TBC1D10A: variants seen among roughly 807,000 people sequenced by gnomAD.
The protein encoded by TBC1D10A is TBC1 domain family member 10A.
TBC1D10A carries 24 observed loss-of-function variants against 52.9 expected under a neutral mutation model. That is an observed-to-expected ratio of 0.45 (90% CI 0.33 to 0.64). The LOEUF is 0.64. Ranked by LOEUF, TBC1D10A falls within the 30% of genes least tolerant of loss-of-function variation. The pLI, the probability that TBC1D10A is intolerant of heterozygous loss-of-function variation, is 0.02. For synonymous variants in TBC1D10A, 278 were observed against 282.9 expected, an observed-to-expected ratio of 0.98 and a Z score of 0.17; for missense variants, 602 against 687.9, an observed-to-expected ratio of 0.88 and a Z score of 1.40.
chr22:30,320,027 C>T (rs1930620369), intron 1 of TBC1D10A, among the ~76,000 whole-genome samples: 1 of 152,186 alleles, frequency 6.6e-6, no homozygotes, highest in Non-Finnish European at 1.5e-5. Flanking sequence ...GGATCCCTCT[C>T]CGGTCTGGCT....
chr22:30,300,129 C>G (rs191697808), intron 2 of TBC1D10A, among the ~76,000 whole-genome samples: 3 of 151,698 alleles, frequency 2.0e-5, no homozygotes, highest in African/African-American at 7.3e-5. Context: ...AATTCCAGAC[C>G]CTCATAACTA....
intron 1 of TBC1D10A, among the ~76,000 whole-genome samples, chr22:30,321,486 T>C (rs1930651507): frequency 6.6e-6 from 1 of 152,212 alleles, no homozygotes; most frequent in South Asian, 2.1e-4. Flanking sequence ...CAATAAACTA[T>C]AGGGATGCCA....
At chr22:30,295,956 C>T in intron 3 of TBC1D10A, 113 bp from the exon 4 acceptor site, 1 of 904,266 alleles carries the variant, frequency 1.1e-6, no homozygotes, top group South Asian at 1.7e-5. Flanking sequence ...GCAGTGCCCA[C>T]CCAAGCCCAT....
intron 1 of TBC1D10A, among the ~76,000 whole-genome samples, chr22:30,322,399 G>A (rs1388059996): frequency 6.6e-6 from 1 of 151,980 alleles, no homozygotes; most frequent in African/African-American, 2.4e-5. Flanking sequence ...CTGCTTTCTT[G>A]TCTGTGGCTA....
At chr22:30,315,801 T>C (rs1054156466) in intron 1 of TBC1D10A, among the ~76,000 whole-genome samples, 2 of 152,148 alleles carry the variant, frequency 1.3e-5, no homozygotes, top group African/African-American at 4.8e-5. Flanking sequence ...GGGACAGGAA[T>C]TGTGTCATCC....
intron 1 of TBC1D10A, among the ~76,000 whole-genome samples, chr22:30,320,487 G>A (rs921013497): frequency 6.6e-6 from 1 of 152,170 alleles, no homozygotes; most frequent in African/African-American, 2.4e-5. Context: ...ACTACTGGAT[G>A]CAGTGTCAAG....
chr22:30,294,530 G>A (rs1294843489), intron 6 of TBC1D10A, among the ~76,000 whole-genome samples: 1 of 152,210 alleles, frequency 6.6e-6, no homozygotes, highest in African/African-American at 2.4e-5. Context: ...AGGCCAAGGC[G>A]AAGGGAGGGA....
At chr22:30,303,306 T>TATAC (rs1555973498) in intron 2 of TBC1D10A, among the ~76,000 whole-genome samples, 1 of 148,916 alleles carries the variant, frequency 6.7e-6, no homozygotes, top group East Asian at 2.0e-4. Flanking sequence ...GATAGATAGA[T>TATAC]AGACAGACAG....
At chr22:30,310,888 C>T (rs1930411901) in intron 1 of TBC1D10A, among the ~76,000 whole-genome samples, 2 of 152,282 alleles carry the variant, frequency 1.3e-5, no homozygotes, top group South Asian at 4.1e-4. Context: ...CTTCTTATCA[C>T]CCTCTGTGCC....
At chr22:30,307,722 T>C in intron 1 of TBC1D10A, 1 of 152,250 alleles carries the variant, frequency 6.6e-6, no homozygotes. Context: ...CTTACAATTT[T>C]CTTCTCAATG....
chr22:30,313,341 ATGTGTGTGTGTGTGTGTGTGTGTGTGTG>A (rs6147586), intron 1 of TBC1D10A, among the ~76,000 whole-genome samples: 28,853 of 138,062 alleles, frequency 0.21, 3,165 homozygotes, highest in Middle Eastern at 0.36. Context: ...TGCTCAATAA[ATGTGTGTGTGTGTGTGTGTGTGTGTGTG>A]TGTGTGTGTG....
chr22:30,326,898 GCCTGAGCTCCAGCGGCCA>G lies in TBC1D10A; in HGVS notation c.-35_-18del. 1 of 1,463,222 alleles carries G rather than the reference GCCTGAGCTCCAGCGGCCA, an allele frequency of 6.8e-7. No individual in the cohort carries two copies. The highest frequency in any genetic ancestry group is 9.0e-7 in the Non-Finnish European group (1 of 1,114,170). 90.6% of individuals were successfully genotyped at this position (1,463,222 alleles called of 1,614,324 possible). A position where few individuals can be genotyped will look rare whatever the true frequency, so the allele number is the denominator to read the frequency against. ...CTTCGCCATCCCAGCCGCGCCCGCC[GCCTGAGCTCCAGCGGCCA>G]CCTCAGCCGCCCTGCTGCCGCCGAC... On this transcript the variant is annotated 5_prime_UTR_variant, in exon 1 of 9. Coordinates refer to ENST00000215790, the MANE Select transcript of TBC1D10A (RefSeq NM_031937.3).
chr22:30,293,029 C>T (rs1929985852), intron 8 of TBC1D10A, 178 bp from the exon 9 acceptor site: 1 of 686,508 alleles, frequency 1.5e-6, no homozygotes. Flanking sequence ...AGCTGAGTGC[C>T]AGGTGAGCTG....
chr22:30,292,890 G>A (rs1429313009), intron 8 of TBC1D10A, 39 bp from the exon 9 acceptor site: 3 of 1,604,394 alleles, frequency 1.9e-6, no homozygotes, highest in Non-Finnish European at 2.6e-6. Context: ...ACACCAAGAA[G>A]AAGGACCTTC....
rs201070126 is a variant in TBC1D10A at position 30,294,120 on chromosome 22, C to T, written c.706-10G>A. 142 of 1,611,836 alleles carry T rather than the reference C, an allele frequency of 8.8e-5. No homozygotes were observed. In the African/African-American group the frequency reaches 1.6e-3, roughly 18 times the overall value. On this transcript the variant is annotated splice_polypyrimidine_tract_variant and intron_variant, in intron 6 of 8. Coordinates refer to ENST00000215790, the MANE Select transcript of TBC1D10A (RefSeq NM_031937.3). Reference sequence around the variant, plus strand: ...CCAGCTGGATCGCCTCCTAGGGAGACATCGAGGCCACGGGACCATGACCGT... The same window carrying T: ...CCAGCTGGATCGCCTCCTAGGGAGATATCGAGGCCACGGGACCATGACCGT...
intron 3 of TBC1D10A, chr22:30,298,586 C>T (rs1052662774): frequency 5.3e-5 from 8 of 152,316 alleles, no homozygotes; most frequent in South Asian, 2.1e-4. Flanking sequence ...TGGTAGGCAG[C>T]TCTGCTCTGT....
At chr22:30,323,185 G>A (rs138833250) in intron 1 of TBC1D10A, among the ~76,000 whole-genome samples, 6,576 of 152,296 alleles carry the variant, frequency 0.043, 215 homozygotes, top group Non-Finnish European at 0.067. Flanking sequence ...GATTATAGGC[G>A]TGAGCCACCA....
At chr22:30,303,386 T>G (rs1175289548) in intron 2 of TBC1D10A, among the ~76,000 whole-genome samples, 1 of 152,090 alleles carries the variant, frequency 6.6e-6, no homozygotes. Context: ...AGAGCCCAGG[T>G]CTGGGTGAGC....
chr22:30,313,132 C>G (rs1426166886), intron 1 of TBC1D10A, among the ~76,000 whole-genome samples: 2 of 152,102 alleles, frequency 1.3e-5, no homozygotes, highest in Non-Finnish European at 2.9e-5. Flanking sequence ...GCAAAACACT[C>G]AGTATGTTCA....
Sources: allele counts gnomAD v4.1 joint callset (sites outside exome capture counted in the v4.1 genomes callset), GRCh38; gene constraint gnomAD v4.1.1; transcripts MANE v1.5; gene names NCBI Gene and HGNC (gene_info 2026-07-23, HGNC 2026-07-21).